The following MMP16 variants were observed in gnomAD, a reference collection of about 807,000 sequenced individuals.
MMP16 encodes the protein matrix metallopeptidase 16, also known as matrix metalloproteinase-16.
Under a neutral mutation model 67.8 loss-of-function variants are expected in MMP16, and 12 were observed. The ratio of observed to expected loss-of-function variants is 0.18; its 90% CI spans 0.11 to 0.29. MMP16 has a LOEUF of 0.29. Ranked by LOEUF, MMP16 falls within the 10% of genes least tolerant of loss-of-function variation. MMP16 has a pLI of 1.00. For synonymous variants in MMP16, 249 were observed against 255.9 expected (o/e 0.97, Z 0.26); for missense variants, 475 against 765.7 (o/e 0.62, Z 4.48).
At chr8:88,228,495 T>C (rs149756591) in intron 1 of MMP16, among the ~76,000 whole-genome samples, 229 of 152,210 alleles carry the variant, frequency 1.5e-3, no homozygotes, top group Middle Eastern at 3.4e-3. Context: ...ATATATATGT[T>C]ACCAATGACA....
chr8:88,050,104 C>T (rs1479655827), intron 8 of MMP16, among the ~76,000 whole-genome samples: 1 of 152,074 alleles, frequency 6.6e-6, no homozygotes, highest in Admixed American at 6.5e-5. Context: ...GGTGGATTAC[C>T]TGAGGTGAGG....
intron 4 of MMP16, among the ~76,000 whole-genome samples, chr8:88,161,812 C>G (rs1808629183): frequency 1.3e-5 from 2 of 152,172 alleles, no homozygotes; most frequent in Middle Eastern, 6.8e-3. Flanking sequence ...GTTATGCACC[C>G]AATAGTCACT....
At chr8:88,164,661 A>C (rs780370272) in intron 4 of MMP16, among the ~76,000 whole-genome samples, 11 of 152,068 alleles carry the variant, frequency 7.2e-5, no homozygotes, top group Non-Finnish European at 1.6e-4. Flanking sequence ...TTCACCAGCA[A>C]AGTGTTCTTG....
At chr8:88,317,113 A>G (rs1393356033) in intron 1 of MMP16, among the ~76,000 whole-genome samples, 1 of 152,214 alleles carries the variant, frequency 6.6e-6, no homozygotes, top group Admixed American at 6.5e-5. Flanking sequence ...AAAACAAAGG[A>G]TTTAGAATAT....
At chr8:88,049,213 T>C (rs1808238941) in intron 8 of MMP16, among the ~76,000 whole-genome samples, 1 of 152,208 alleles carries the variant, frequency 6.6e-6, no homozygotes, top group African/African-American at 2.4e-5. Flanking sequence ...GGACTGCATC[T>C]TTCTGAAGAG....
At chr8:88,302,021 C>G (rs111316200) in intron 1 of MMP16, among the ~76,000 whole-genome samples, 5 of 152,140 alleles carry the variant, frequency 3.3e-5, no homozygotes, top group African/African-American at 1.2e-4. Flanking sequence ...GCTTTTTGTT[C>G]ACTCCAGCTC....
At chr8:88,173,011 A>G (rs939360013) in intron 3 of MMP16, among the ~76,000 whole-genome samples, 16 of 152,168 alleles carry the variant, frequency 1.1e-4, no homozygotes, top group Non-Finnish European at 5.9e-5. Flanking sequence ...TCTAATAACA[A>G]TTTTACATAT....
chr8:88,094,060 A>C (rs1167383447), intron 6 of MMP16, among the ~76,000 whole-genome samples: 1 of 151,862 alleles, frequency 6.6e-6, no homozygotes, highest in Non-Finnish European at 1.5e-5. Flanking sequence ...AGAGTGTATT[A>C]CTGGAAATAA....
intron 6 of MMP16, among the ~76,000 whole-genome samples, chr8:88,105,654 T>G (rs997155103): frequency 6.6e-6 from 1 of 151,410 alleles, no homozygotes; most frequent in Non-Finnish European, 1.5e-5. Flanking sequence ...AGTGAATACT[T>G]AAGAAAACAC....
intron 1 of MMP16, among the ~76,000 whole-genome samples, chr8:88,244,173 T>C (rs920192951): frequency 1.3e-5 from 2 of 152,148 alleles, no homozygotes; most frequent in Admixed American, 1.3e-4. Flanking sequence ...CTGCAGTGTA[T>C]CAAATTACAA....
At chr8:88,262,838 T>TA (rs1554589644) in intron 1 of MMP16, among the ~76,000 whole-genome samples, 1 of 13,814 alleles carries the variant, frequency 7.2e-5, no homozygotes, top group Non-Finnish European at 1.9e-4. Context: ...CCGTCTCTAC[T>TA]AAAAATACAA....
intron 6 of MMP16, among the ~76,000 whole-genome samples, chr8:88,114,977 C>T (rs1034878800): frequency 9.9e-5 from 15 of 152,032 alleles, no homozygotes; most frequent in African/African-American, 3.6e-4. Flanking sequence ...TAAACTTTTA[C>T]AATGTGCAGA....
At chr8:88,071,922 C>G (rs1460339098) in intron 7 of MMP16, among the ~76,000 whole-genome samples, 1 of 151,962 alleles carries the variant, frequency 6.6e-6, no homozygotes, top group African/African-American at 2.4e-5. Flanking sequence ...CAGAAAAAGT[C>G]TGTCAAAGCC....
intron 1 of MMP16, among the ~76,000 whole-genome samples, chr8:88,201,198 T>C (rs1209368909): frequency 6.8e-6 from 1 of 147,774 alleles, no homozygotes; most frequent in Non-Finnish European, 1.5e-5. Flanking sequence ...ATTAAACTAC[T>C]GAATATATTA....
chr8:88,153,756 A>C (rs1240705758), intron 4 of MMP16, among the ~76,000 whole-genome samples: 23 of 150,228 alleles, frequency 1.5e-4, no homozygotes, highest in African/African-American at 5.6e-4. Context: ...CTAAAACCAT[A>C]AAAACCCTAG....
At chr8:88,214,100 C>T (rs1361965315) in intron 1 of MMP16, among the ~76,000 whole-genome samples, 2 of 152,134 alleles carry the variant, frequency 1.3e-5, no homozygotes, top group Non-Finnish European at 2.9e-5. Flanking sequence ...GTCTCCAATA[C>T]ATAAACGTGA....
At chr8:88,053,269 C>T (rs1432329005) in intron 8 of MMP16, among the ~76,000 whole-genome samples, 1 of 152,118 alleles carries the variant, frequency 6.6e-6, no homozygotes, top group Non-Finnish European at 1.5e-5. Flanking sequence ...ACATGTAGGG[C>T]TGACATATGG....
At chr8:88,066,632 A>G (rs1398924245) in intron 7 of MMP16, among the ~76,000 whole-genome samples, 1 of 147,980 alleles carries the variant, frequency 6.8e-6, no homozygotes, top group African/African-American at 2.7e-5. Flanking sequence ...GTACATCTAC[A>G]CTCTCACTCA....
intron 2 of MMP16, among the ~76,000 whole-genome samples, chr8:88,190,707 T>C: frequency 6.6e-6 from 1 of 152,152 alleles, no homozygotes; most frequent in East Asian, 1.9e-4. Flanking sequence ...ACATACAAAG[T>C]TAACATATAA....
Sources: allele counts gnomAD v4.1 joint callset (sites outside exome capture counted in the v4.1 genomes callset), GRCh38; gene constraint gnomAD v4.1.1; transcripts MANE v1.5; gene names NCBI Gene and HGNC (gene_info 2026-07-23, HGNC 2026-07-21).